Variants in CRACD observed in about 807,000 individuals in gnomAD.
CRACD encodes capping protein inhibiting regulator of actin dynamics.
In CRACD, 56 loss-of-function variants were observed where a neutral mutation model predicts 106.8. The observed-to-expected ratio is 0.52, with a 90% confidence interval of 0.42 to 0.66. CRACD has a LOEUF of 0.66. Ranked by LOEUF, CRACD falls within the 30% of genes least tolerant of loss-of-function variation. CRACD has a pLI of 0.00. For missense variants in CRACD, 1,730 were observed against 1,623.2 expected (o/e 1.07, Z -1.13); for synonymous variants, 754 against 670.8 (o/e 1.12, Z -1.92).
chr4:56,176,791 G>A (rs376246736), intron 1 of CRACD, among the ~76,000 whole-genome samples: 3 of 152,124 alleles, frequency 2.0e-5, no homozygotes, highest in South Asian at 4.1e-4. Flanking sequence ...TAATTCTTTG[G>A]TTAAATTTAT....
intron 1 of CRACD, among the ~76,000 whole-genome samples, chr4:56,124,557 C>T (rs758490739): frequency 7.9e-5 from 12 of 152,154 alleles, no homozygotes; most frequent in African/African-American, 1.4e-4. Flanking sequence ...TTTCCTATTT[C>T]ACAAATGTCC....
intron 2 of CRACD, among the ~76,000 whole-genome samples, chr4:56,199,503 G>A (rs937820583): frequency 3.3e-5 from 5 of 151,882 alleles, no homozygotes; most frequent in African/African-American, 7.3e-5. Context: ...CCAACATGGT[G>A]AAACCCCATC....
intron 1 of CRACD, among the ~76,000 whole-genome samples, chr4:56,168,956 A>T (rs537571426): frequency 7.2e-5 from 11 of 152,184 alleles, no homozygotes; most frequent in Non-Finnish European, 1.5e-4. Context: ...CGTCATCAGT[A>T]GTTCAGCAAC....
At chr4:56,234,629 T>G (rs574144550) in intron 2 of CRACD, among the ~76,000 whole-genome samples, 9 of 152,220 alleles carry the variant, frequency 5.9e-5, no homozygotes, top group African/African-American at 1.9e-4. Context: ...AAACAAAGCT[T>G]AGAGAAGAAT....
intron 2 of CRACD, among the ~76,000 whole-genome samples, chr4:56,229,466 CT>C (rs1253685545): frequency 6.6e-6 from 1 of 152,166 alleles, no homozygotes; most frequent in East Asian, 1.9e-4. Flanking sequence ...ACTTCCCAGC[CT>C]CTAGGACCAT....
At chr4:56,094,894 C>T (rs1427471365) in intron 1 of CRACD, among the ~76,000 whole-genome samples, 1 of 152,014 alleles carries the variant, frequency 6.6e-6, no homozygotes, top group African/African-American at 2.4e-5. Context: ...ATACACTTAC[C>T]ACCTAGATTT....
chr4:56,181,943 C>T (rs1736847084), intron 2 of CRACD, among the ~76,000 whole-genome samples: 1 of 152,186 alleles, frequency 6.6e-6, no homozygotes, highest in Non-Finnish European at 1.5e-5. Flanking sequence ...GTCAGGACTT[C>T]AGCTTACTTT....
rs140504484 is a variant in CRACD, at chr4:56,079,223, CT to C, written c.-336+29928del. 9.4e-3 allele frequency among the ~76,000 whole-genome samples: 1,429 copies of C among 152,262 alleles called. 13 individuals carry two copies. Among genetic ancestry groups the C allele is most frequent in the Non-Finnish European group, 0.013 (895 of 68,018 alleles). On this transcript the variant is annotated intron_variant, in intron 1 of 10. Transcript: ENST00000682029. ...CAACTTTAGAATGAGGTCAAATAGG[CT>C]TTTCATTTCACTGTGTATACCAAAG...
chr4:56,197,963 A>C (rs4334804), intron 2 of CRACD, among the ~76,000 whole-genome samples: 122,100 of 152,122 alleles, frequency 0.8, 49,666 homozygotes, highest in African/African-American at 0.93. Context: ...AGGCGTGAGC[A>C]CCTGCACCCA....
At chr4:56,207,420 G>A (rs73160409) in intron 2 of CRACD, among the ~76,000 whole-genome samples, 84 of 152,272 alleles carry the variant, frequency 5.5e-4, no homozygotes, top group African/African-American at 1.9e-3. Flanking sequence ...GAGAGTGAAG[G>A]CCTCCTGGCA....
At chr4:56,087,463 C>T (rs1733267471) in intron 1 of CRACD, among the ~76,000 whole-genome samples, 1 of 152,194 alleles carries the variant, frequency 6.6e-6, no homozygotes, top group Non-Finnish European at 1.5e-5. Flanking sequence ...CCTCTCGCTT[C>T]TGTCTGCTCC....
At position 56,315,466 on chromosome 4, in the gene CRACD, G is replaced by C. The variant is rs7672073; in HGVS notation, c.1964G>C (p.Arg655Pro). 1,608,340 of 1,613,126 alleles carry C rather than the reference G, an allele frequency of 1. 801,904 individuals carry two copies. The highest frequency in any genetic ancestry group is 1 in the Non-Finnish European group (1,179,852 of 1,179,908). ...ARAGSGKAKP[R>P]QESPSSASAL... ...GCGGGCAGCGGGAAGGCTAAGCCCC[G>C]CCAGGAGTCTCCCAGCAGCGCGTCC... The change falls in exon 8 of 11, where the codon CGC becomes CCC. Residue 655 changes from arginine (R) to proline (P), a missense_variant. Transcript: ENST00000682029. This position sits in a 1 kb window ranked among gnomAD's most constrained non-coding sequence, Gnocchi z 4.1.
At chr4:56,203,546 T>C (rs1187829702) in intron 2 of CRACD, among the ~76,000 whole-genome samples, 2 of 152,210 alleles carry the variant, frequency 1.3e-5, no homozygotes, top group Non-Finnish European at 2.9e-5. Context: ...TTCATTCCAC[T>C]GTCCAGAGTT....
chr4:56,258,646 C>T (rs1174270209), intron 2 of CRACD, among the ~76,000 whole-genome samples: 1 of 152,178 alleles, frequency 6.6e-6, no homozygotes, highest in African/African-American at 2.4e-5. Context: ...CATTCTGAGA[C>T]AGCCCTGAAG....
intron 2 of CRACD, among the ~76,000 whole-genome samples, chr4:56,205,186 A>T (rs771279179): frequency 1.1e-4 from 17 of 152,016 alleles, no homozygotes; most frequent in Non-Finnish European, 2.2e-4. Context: ...TTAAAAAGAC[A>T]TCAGATTCCC....
chr4:56,134,650 C>T (rs1734938945), intron 1 of CRACD, among the ~76,000 whole-genome samples: 1 of 152,216 alleles, frequency 6.6e-6, no homozygotes, highest in South Asian at 2.1e-4. Context: ...ATGAAAGCTT[C>T]TTCCTCAGTA....
Position 56,315,038 on chromosome 4 carries a change from C to T in CRACD, c.1536C>T (p.Ala512=), listed in dbSNP as rs377413019. ...QPPVERKEAA[A]LEQGRKVEEL... is the part of the protein sequence containing the mutation. ...CGGTGGAGAGGAAAGAAGCCGCCGC[C>T]CTTGAACAAGGCCGCAAGGTGGAGG... The change falls in exon 8 of 11, where the codon GCC becomes GCT. Residue 512 remains alanine, a synonymous_variant. Transcript: ENST00000682029. This position sits in a 1 kb window ranked among gnomAD's most constrained non-coding sequence, Gnocchi z 4.1. The T allele has an allele frequency of 8.0e-5, 129 of 1,603,108 alleles. No individual in the cohort carries two copies. The African/African-American group carries it at 1.6e-3, about 20-fold the overall frequency.
rs77927518 is a variant in CRACD, at chr4:56,314,754, C to A, written c.1252C>A (p.Gln418Lys). Residue 418 changes from glutamine (Q) to lysine (K), a missense_variant, in exon 8 of 11, where the codon CAG becomes AAG. This residue lies in a region of CRACD where 1,620 missense variants were observed against 1,481.6 expected (regional missense o/e 1.09). Coordinates refer to ENST00000682029, the MANE Select transcript of CRACD (RefSeq NM_001393381.1). This position sits in a 1 kb window ranked among gnomAD's most constrained non-coding sequence, Gnocchi z 4.4. ...GQAHLEDWRG[Q>K]LSELLNDFEE... is the part of the protein sequence containing the mutation. ...GGCGCACCTGGAGGACTGGAGGGGGCAGCTCAGTGAGCTTCTGAACGACTT... is the reference window on the plus strand; with the variant it reads ...GGCGCACCTGGAGGACTGGAGGGGGAAGCTCAGTGAGCTTCTGAACGACTT... The A allele has an allele frequency of 0.01, 16,521 of 1,587,382 alleles. 1,381 individuals are homozygous for A. The African/African-American group carries it at 0.19, about 18-fold the overall frequency.
intron 1 of CRACD, among the ~76,000 whole-genome samples, chr4:56,072,274 T>C (rs969284347): frequency 6.6e-6 from 1 of 152,220 alleles, no homozygotes; most frequent in South Asian, 2.1e-4. Flanking sequence ...TAAGGCTTTC[T>C]ACCTTTCGTG....
Sources: gnomAD v4.1 joint callset for allele counts (sites outside exome capture counted in the v4.1 genomes callset) on GRCh38, gnomAD v4.1.1 for gene constraint, gnomAD v4.1.1 regional missense constraint, Gnocchi (gnomAD v3.1) non-coding constraint, MANE v1.5 for transcripts, NCBI Gene and HGNC (gene_info 2026-07-23, HGNC 2026-07-21) for gene names.